KCNH8: variants seen among roughly 807,000 people sequenced by gnomAD.
KCNH8 encodes the protein voltage-gated delayed rectifier potassium channel KCNH8.
KCNH8 carries 70 observed loss-of-function variants against 103.6 expected under a neutral mutation model. The ratio of observed to expected loss-of-function variants is 0.68; its 90% CI spans 0.56 to 0.82. The LOEUF (loss-of-function observed/expected upper bound fraction) is 0.82, where lower values mean the gene tolerates loss of function less well. Among genes scored for constraint, KCNH8 ranks in the 40% least tolerant of loss-of-function variants. The pLI is 0.00. For missense variants in KCNH8, 1,217 were observed against 1,329.9 expected (o/e 0.92, Z 1.32); for synonymous variants, 498 against 489.4 (o/e 1.02, Z -0.23).
intron 7 of KCNH8, among the ~76,000 whole-genome samples, chr3:19,431,891 TTTC>T (rs1401214770): frequency 6.6e-6 from 1 of 152,186 alleles, no homozygotes; most frequent in Admixed American, 6.5e-5. Context: ...TCTTCTCTCT[TTTC>T]TTCTTTATTA....
chr3:19,292,086 C>G (rs2064936415), intron 3 of KCNH8, among the ~76,000 whole-genome samples: 1 of 152,152 alleles, frequency 6.6e-6, no homozygotes, highest in Non-Finnish European at 1.5e-5. Flanking sequence ...GTTTTCCATT[C>G]AAACCAGTTG....
intron 14 of KCNH8, 49 bp from the exon 15 acceptor site, chr3:19,517,949 A>G (rs1178774358): frequency 2.1e-6 from 3 of 1,443,866 alleles, no homozygotes; most frequent in East Asian, 4.5e-5. Flanking sequence ...ATCCTCAAAT[A>G]TAAGGTTTAT....
At chr3:19,281,787 G>C (rs938634716) in intron 3 of KCNH8, among the ~76,000 whole-genome samples, 29 of 152,158 alleles carry the variant, frequency 1.9e-4, no homozygotes, top group African/African-American at 5.3e-4. Context: ...AGAATAGAAT[G>C]TTGCAAACAA....
chr3:19,317,937 A>G (rs1240527694), intron 3 of KCNH8, among the ~76,000 whole-genome samples: 2 of 152,114 alleles, frequency 1.3e-5, no homozygotes, highest in East Asian at 3.9e-4. Flanking sequence ...GCCCTCTCTC[A>G]CCAATCCTGT....
At chr3:19,237,793 A>G (rs1430570805) in intron 1 of KCNH8, among the ~76,000 whole-genome samples, 1 of 152,242 alleles carries the variant, frequency 6.6e-6, no homozygotes. Context: ...TGCAGGGCAC[A>G]CATGTGCACA....
intron 3 of KCNH8, among the ~76,000 whole-genome samples, chr3:19,289,541 T>G (rs1017995719): frequency 1.3e-5 from 2 of 152,178 alleles, no homozygotes; most frequent in African/African-American, 4.8e-5. Context: ...GTTGTAGATA[T>G]GCAGCATTAT....
At chr3:19,475,005 A>G (rs1040879950) in intron 11 of KCNH8, among the ~76,000 whole-genome samples, 7 of 152,198 alleles carry the variant, frequency 4.6e-5, no homozygotes, top group African/African-American at 1.4e-4. Context: ...CTCAATACAC[A>G]TACAACTAAG....
At chr3:19,503,621 C>T (rs1180392868) in intron 11 of KCNH8, among the ~76,000 whole-genome samples, 2 of 152,090 alleles carry the variant, frequency 1.3e-5, no homozygotes, top group African/African-American at 4.8e-5. Flanking sequence ...AGTTCACGTC[C>T]TTTGTAGGGA....
chr3:19,363,551 C>T (rs1196624073), intron 5 of KCNH8, among the ~76,000 whole-genome samples: 2 of 152,154 alleles, frequency 1.3e-5, no homozygotes, highest in African/African-American at 2.4e-5. Flanking sequence ...TTTACAAATA[C>T]ATACTTGCTT....
rs551141040 is a variant in KCNH8, at chr3:19,222,885, T to G, written c.77-30769T>G. Among the ~76,000 whole-genome samples, 24 of 152,330 alleles carry G rather than the reference T, an allele frequency of 1.6e-4. No individual in the cohort carries two copies. In the South Asian group the frequency reaches 4.1e-3, roughly 26 times the overall value. On this transcript the variant is annotated intron_variant, in intron 1 of 15. Transcript: ENST00000328405. The stretch of plus-strand genomic sequence containing the variant: ...TATTTGCATTTCCTGTCCTTAGAGA[T>G]GTACCAAGTACTCTTAAGGTGCACA...
intron 1 of KCNH8, among the ~76,000 whole-genome samples, chr3:19,244,975 G>A (rs1447441377): frequency 2.0e-5 from 3 of 152,062 alleles, no homozygotes; most frequent in Non-Finnish European, 4.4e-5. Context: ...CATCCCACTT[G>A]TCAGTTTTTA....
chr3:19,319,658 T>A (rs1367786880), intron 3 of KCNH8, among the ~76,000 whole-genome samples: 1 of 151,982 alleles, frequency 6.6e-6, no homozygotes, highest in Non-Finnish European at 1.5e-5. Context: ...GCTCTTTACT[T>A]GGTTCCATAT....
At chr3:19,221,073 C>T (rs988327926) in intron 1 of KCNH8, among the ~76,000 whole-genome samples, 1 of 152,136 alleles carries the variant, frequency 6.6e-6, no homozygotes, top group African/African-American at 2.4e-5. Context: ...CCACACTTAT[C>T]TTCATATGGC....
At chr3:19,370,977 T>C (rs2066083776) in intron 5 of KCNH8, among the ~76,000 whole-genome samples, 1 of 152,166 alleles carries the variant, frequency 6.6e-6, no homozygotes, top group African/African-American at 2.4e-5. Flanking sequence ...CCATGGTGTA[T>C]ATGTGCCACA....
Position 19,335,315 on chromosome 3 carries a change from A to G in KCNH8, c.443-7272A>G, listed in dbSNP as rs1306019027. Among the ~76,000 whole-genome samples, 6 of 151,884 alleles carry G rather than the reference A, an allele frequency of 4.0e-5. No homozygotes were observed. In the East Asian group the frequency reaches 1.2e-3, roughly 29 times the overall value. On this transcript the variant is annotated intron_variant, in intron 3 of 15. Coordinates refer to ENST00000328405, the MANE Select transcript of KCNH8 (RefSeq NM_144633.3). Reference sequence around the variant, plus strand: ...TCCCTAAAAGGGAACCACCCTTAGCATAAATGCTACATGAGATTGATATAT... The same window carrying G: ...TCCCTAAAAGGGAACCACCCTTAGCGTAAATGCTACATGAGATTGATATAT...
intron 3 of KCNH8, among the ~76,000 whole-genome samples, chr3:19,329,873 C>T (rs1369836093): frequency 6.6e-6 from 1 of 151,968 alleles, no homozygotes; most frequent in African/African-American, 2.4e-5. Flanking sequence ...TCCCTGTCCC[C>T]CGTCCAGTCC....
At position 19,535,604 on chromosome 3, in the gene KCNH8, A is replaced by T. The variant is rs1255293096; in HGVS notation, c.*1505A>T. On this transcript the variant is annotated 3_prime_UTR_variant, in exon 16 of 16. Transcript: ENST00000328405. ...TTCTCTTTATTTTCCACCACAAAAA[A>T]TAATCTGAGAATTGTATCATTAAAA... 6.6e-6 allele frequency: 1 copy of T among 152,248 alleles called. No homozygotes were observed. The highest frequency in any genetic ancestry group is 1.5e-5 in the Non-Finnish European group (1 of 68,048). The allele number at this position is 152,248 out of a possible 1,614,324, so 9.4% of individuals were successfully genotyped here. A position where few individuals can be genotyped will look rare whatever the true frequency, so the allele number is the denominator to read the frequency against.
intron 3 of KCNH8, among the ~76,000 whole-genome samples, chr3:19,291,117 A>G (rs2064917045): frequency 6.6e-6 from 1 of 151,990 alleles, no homozygotes; most frequent in Non-Finnish European, 1.5e-5. Context: ...TATTGCGTCT[A>G]TTTGATTCTT....
chr3:19,193,556 T>C (rs1021868459), intron 1 of KCNH8, among the ~76,000 whole-genome samples: 1 of 151,684 alleles, frequency 6.6e-6, no homozygotes, highest in African/African-American at 2.4e-5. Context: ...AAAGATCAGA[T>C]GAGAAAGGTA....
Sources: allele counts gnomAD v4.1 joint callset (sites outside exome capture counted in the v4.1 genomes callset), GRCh38; gene constraint gnomAD v4.1.1; transcripts MANE v1.5; gene names NCBI Gene and HGNC (gene_info 2026-07-23, HGNC 2026-07-21).